ENOX2: variants seen among roughly 807,000 people sequenced by gnomAD.
The protein encoded by ENOX2 is ecto-NOX disulfide-thiol exchanger 2.
ENOX2 carries 36 observed loss-of-function variants against 45.0 expected under a neutral mutation model. The observed-to-expected ratio is 0.80, with a 90% CI of 0.61 to 1.06. The LOEUF is 1.06. ENOX2 is among the 50% of genes least tolerant of loss of function. The pLI, the probability that ENOX2 is intolerant of heterozygous loss-of-function variation, is 0.00. For missense variants in ENOX2, 423 were observed against 462.5 expected, an observed-to-expected ratio of 0.91 and a Z score of 0.78; for synonymous variants, 174 against 152.3, an observed-to-expected ratio of 1.14 and a Z score of -1.05.
intron 3 of ENOX2, among the ~76,000 whole-genome samples, chrX:130,706,762 T>C (rs1191562690): frequency 8.9e-6 from 1 of 112,248 alleles, no homozygotes; most frequent in African/African-American, 3.2e-5. Flanking sequence ...GAATGACAAA[T>C]TGTCTTAAAG....
chrX:130,780,273 T>C (rs748722486), intron 3 of ENOX2, among the ~76,000 whole-genome samples: 2 of 112,091 alleles, frequency 1.8e-5, no homozygotes, highest in South Asian at 3.8e-4. Context: ...TATTTCCACA[T>C]AAACACAGCT....
At chrX:130,827,285 T>C in intron 2 of ENOX2, among the ~76,000 whole-genome samples, 1 of 111,905 alleles carries the variant, frequency 8.9e-6, no homozygotes, top group Admixed American at 9.5e-5. Flanking sequence ...TAGATAGATA[T>C]ACACACCAAA....
chrX:130,755,284 G>T (rs2039328127), intron 3 of ENOX2, among the ~76,000 whole-genome samples: 1 of 107,953 alleles, frequency 9.3e-6, no homozygotes, highest in South Asian at 4.0e-4. Flanking sequence ...GTTGTTATCA[G>T]AAGTAAAGGG....
In ENOX2 at chrX:130,713,509, G is replaced by T. The variant is rs779088505; in HGVS notation, c.-38-10255C>A. ...AGGGCTGCCTCAGCTACTAAGAGCA[G>T]TGGCTGACTCCCCTTGAGAGGCTCT... On this transcript the variant is annotated intron_variant, in intron 3 of 14. Coordinates refer to ENST00000394363, the MANE Select transcript of ENOX2 (RefSeq NM_006375.4). Among the ~76,000 whole-genome samples the T allele has an allele frequency of 1.3e-4, 15 of 111,844 alleles. No homozygotes were observed. In the East Asian group the frequency reaches 4.2e-3, roughly 32 times the overall value.
chrX:130,762,692 G>A (rs959730444), intron 3 of ENOX2, among the ~76,000 whole-genome samples: 3 of 111,985 alleles, frequency 2.7e-5, no homozygotes, highest in Non-Finnish European at 5.6e-5. Flanking sequence ...CTGAATTCTC[G>A]TTTTATTCCA....
intron 3 of ENOX2, among the ~76,000 whole-genome samples, chrX:130,757,304 T>C (rs1347607847): frequency 3.6e-5 from 4 of 112,028 alleles, no homozygotes; most frequent in Non-Finnish European, 7.5e-5. Context: ...TTGTCCAAGC[T>C]GTACTGGTGA....
chrX:130,657,050 G>A (rs912002267), intron 9 of ENOX2, among the ~76,000 whole-genome samples: 5 of 111,307 alleles, frequency 4.5e-5, no homozygotes, highest in Non-Finnish European at 7.5e-5. Flanking sequence ...CCCCACGTTG[G>A]ACCCTTTAAT....
intron 3 of ENOX2, among the ~76,000 whole-genome samples, chrX:130,705,119 G>C (rs1325141933): frequency 8.9e-6 from 1 of 111,937 alleles, no homozygotes; most frequent in East Asian, 2.8e-4. Flanking sequence ...AGAGATTATT[G>C]AGTCTACACT....
At chrX:130,785,691 A>G (rs2076959333) in intron 2 of ENOX2, among the ~76,000 whole-genome samples, 1 of 112,723 alleles carries the variant, frequency 8.9e-6, no homozygotes, top group African/African-American at 3.2e-5. Flanking sequence ...TATTCCATTT[A>G]CAAATGAAGA....
At chrX:130,663,378 A>T (rs1343020571) in intron 9 of ENOX2, among the ~76,000 whole-genome samples, 1 of 110,425 alleles carries the variant, frequency 9.1e-6, no homozygotes, top group East Asian at 2.8e-4. Context: ...TAAAATACAA[A>T]AAATTAGCCA....
At chrX:130,738,102 C>T (rs1429980630) in intron 3 of ENOX2, among the ~76,000 whole-genome samples, 1 of 112,157 alleles carries the variant, frequency 8.9e-6, no homozygotes, top group African/African-American at 3.2e-5. Flanking sequence ...TTATATCCCA[C>T]CATGCCATCC....
intron 3 of ENOX2, among the ~76,000 whole-genome samples, chrX:130,719,089 T>C (rs2038404189): frequency 1.8e-5 from 2 of 112,072 alleles, no homozygotes; most frequent in South Asian, 7.5e-4. Flanking sequence ...ATTTCCATTC[T>C]GTTTTTTAAA....
intron 3 of ENOX2, among the ~76,000 whole-genome samples, chrX:130,779,326 AG>A (rs1313667733): frequency 1.2e-4 from 13 of 112,401 alleles, no homozygotes; most frequent in Non-Finnish European, 2.1e-4. Context: ...AAAGCTACAA[AG>A]CAACCAGATC....
intron 5 of ENOX2, among the ~76,000 whole-genome samples, chrX:130,681,369 T>C: frequency 8.9e-6 from 1 of 112,171 alleles, no homozygotes; most frequent in East Asian, 2.8e-4. Context: ...ATTTAATTAG[T>C]CTGGGGTGCA....
intron 3 of ENOX2, among the ~76,000 whole-genome samples, chrX:130,739,281 A>T (rs2038927949): frequency 8.9e-6 from 1 of 112,536 alleles, no homozygotes; most frequent in African/African-American, 3.2e-5. Context: ...ACGAGGGTAA[A>T]CAACCAATAC....
In ENOX2 at chrX:130,682,583, CAAAAAAAAAAAAAAAAAAAAAAA is replaced by C. The variant is rs55875735; in HGVS notation, c.254-2858_254-2836del. On this transcript the variant is annotated intron_variant, in intron 5 of 14. Coordinates refer to ENST00000394363, the MANE Select transcript of ENOX2 (RefSeq NM_006375.4). ...TGGGTGACAGAGCGAGACTCCGTCT[CAAAAAAAAAAAAAAAAAAAAAAA>C]AAAAAAAAAAAATTCTGTGATGAAG... Among the ~76,000 whole-genome samples the C allele has an allele frequency of 6.8e-4, 10 of 14,665 alleles. No individual in the cohort carries two copies. The South Asian group carries it at 0.13, about 196-fold the overall frequency. The allele number at this position is 14,665 out of a possible 115,157, so 12.7% of individuals were successfully genotyped here. A position where few individuals can be genotyped will look rare whatever the true frequency, so the allele number is the denominator to read the frequency against.
intron 10 of ENOX2, among the ~76,000 whole-genome samples, chrX:130,645,106 T>C (rs754077199): frequency 2.1e-4 from 23 of 111,819 alleles, no homozygotes; most frequent in Admixed American, 4.7e-4. Flanking sequence ...ATTTAAAAAA[T>C]GAAGGAAACT....
intron 6 of ENOX2, 110 bp from the exon 7 acceptor site, chrX:130,670,308 CT>C: frequency 1.8e-6 from 1 of 547,006 alleles, no homozygotes; most frequent in Non-Finnish European, 3.0e-6. Flanking sequence ...ACTATACATA[CT>C]TTTCCAAGTT....
At chrX:130,884,702 A>G (rs944777576) in intron 2 of ENOX2, among the ~76,000 whole-genome samples, 1 of 110,981 alleles carries the variant, frequency 9.0e-6, no homozygotes, top group African/African-American at 3.3e-5. Context: ...GGAAATTTTA[A>G]AAGATAAGAA....
Sources: allele counts gnomAD v4.1 joint callset (sites outside exome capture counted in the v4.1 genomes callset), GRCh38; gene constraint gnomAD v4.1.1; transcripts MANE v1.5; gene names NCBI Gene and HGNC (gene_info 2026-07-23, HGNC 2026-07-21).